METAP1: variants seen among roughly 807,000 people sequenced by gnomAD.
The protein encoded by METAP1 is methionine aminopeptidase 1.
In METAP1, 28 loss-of-function variants were observed where a neutral mutation model predicts 53.8. That is an observed-to-expected ratio of 0.52 (90% CI 0.39 to 0.71). METAP1 has a LOEUF of 0.71. Ranked by LOEUF, METAP1 falls within the 30% of genes least tolerant of loss-of-function variation. METAP1 has a pLI of 0.00. For synonymous variants in METAP1, 181 were observed against 165.7 expected (o/e 1.09, Z -0.71); for missense variants, 389 against 479.8 (o/e 0.81, Z 1.77).
intron 9 of METAP1, among the ~76,000 whole-genome samples, chr4:99,051,265 G>A (rs2110408352): frequency 6.6e-6 from 1 of 152,286 alleles, no homozygotes; most frequent in East Asian, 1.9e-4. Context: ...TTGGTCAGTG[G>A]TTATAGTGTC....
intron 4 of METAP1, 190 bp from the exon 5 acceptor site, chr4:99,039,184 G>C: frequency 9.2e-6 from 4 of 434,082 alleles, no homozygotes; most frequent in Non-Finnish European, 1.6e-5. Context: ...TCTTCAGTTG[G>C]TTTAGCGAGT....
chr4:99,027,148 G>T (rs1724617813), intron 1 of METAP1, among the ~76,000 whole-genome samples: 1 of 152,172 alleles, frequency 6.6e-6, no homozygotes, highest in Admixed American at 6.5e-5. Flanking sequence ...TGGCTGTGTA[G>T]ACCCAAGGGA....
chr4:99,022,668 G>A, intron 1 of METAP1: 3 of 1,225,092 alleles, frequency 2.4e-6, no homozygotes. Context: ...TGCTCGCTGT[G>A]GTGGGACCAG....
intron 10 of METAP1, among the ~76,000 whole-genome samples, chr4:99,058,285 G>T (rs190943765): frequency 1.3e-5 from 2 of 152,256 alleles, no homozygotes; most frequent in Non-Finnish European, 2.9e-5. Flanking sequence ...TGAAGAGGGT[G>T]GGTAGCTTGC....
At chr4:99,045,042 T>A (rs1726121028) in intron 7 of METAP1, 137 bp from the exon 8 acceptor site, 1 of 802,234 alleles carries the variant, frequency 1.2e-6, no homozygotes, top group Non-Finnish European at 1.9e-6. Context: ...GCAATAACTA[T>A]CTATCCATTG....
At chr4:99,012,436 G>A (rs1238500548) in intron 1 of METAP1, among the ~76,000 whole-genome samples, 5 of 151,402 alleles carry the variant, frequency 3.3e-5, no homozygotes, top group African/African-American at 7.3e-5. Context: ...CACCACGCCC[G>A]GCTAATTTTT....
intron 1 of METAP1, among the ~76,000 whole-genome samples, chr4:99,014,474 A>G (rs1028817351): frequency 6.6e-6 from 1 of 152,226 alleles, no homozygotes; most frequent in African/African-American, 2.4e-5. Flanking sequence ...TGTTGATTAT[A>G]GTAAATATAG....
chr4:99,026,240 A>G, intron 1 of METAP1: 8 of 985,326 alleles, frequency 8.1e-6, no homozygotes, highest in Non-Finnish European at 9.6e-6. Flanking sequence ...GTGCTAAAGA[A>G]AAAAGCATGT....
At chr4:99,052,425 C>T (rs1726779068) in intron 9 of METAP1, among the ~76,000 whole-genome samples, 1 of 152,120 alleles carries the variant, frequency 6.6e-6, no homozygotes, top group South Asian at 2.1e-4. Flanking sequence ...ACAAGCATGG[C>T]AGCATCAGCT....
At chr4:99,051,826 T>C (rs2110410304) in intron 9 of METAP1, among the ~76,000 whole-genome samples, 1 of 152,346 alleles carries the variant, frequency 6.6e-6, no homozygotes, top group South Asian at 2.1e-4. Context: ...ATCTCTGCTT[T>C]AGTTTGTAAC....
chr4:99,000,343 G>T (rs1182905878), intron 1 of METAP1, among the ~76,000 whole-genome samples: 1 of 152,184 alleles, frequency 6.6e-6, no homozygotes, highest in Non-Finnish European at 1.5e-5. Flanking sequence ...AGTGTAAGTG[G>T]AAGGAGACCT....
At chr4:99,047,592 A>G (rs1726362505) in intron 8 of METAP1, among the ~76,000 whole-genome samples, 1 of 152,206 alleles carries the variant, frequency 6.6e-6, no homozygotes, top group South Asian at 2.1e-4. Context: ...GCAAGTAAAA[A>G]TGTTAATTAA....
chr4:99,019,359 C>G (rs1723956243), intron 1 of METAP1, among the ~76,000 whole-genome samples: 1 of 152,210 alleles, frequency 6.6e-6, no homozygotes, highest in African/African-American at 2.4e-5. Context: ...TATTCTTCCT[C>G]TCTGAAGGTT....
intron 9 of METAP1, among the ~76,000 whole-genome samples, chr4:99,050,703 C>T (rs1463151155): frequency 6.6e-6 from 1 of 152,084 alleles, no homozygotes; most frequent in Non-Finnish European, 1.5e-5. Flanking sequence ...GGAGTTTGAA[C>T]CCTGTTGTGA....
intron 1 of METAP1, chr4:99,022,450 T>C: frequency 1.6e-6 from 1 of 631,058 alleles, no homozygotes; most frequent in Non-Finnish European, 2.8e-6. Flanking sequence ...CCCTACTGGC[T>C]GTGCTGCTTT....
At chr4:99,001,586 T>G (rs2110273644) in intron 1 of METAP1, among the ~76,000 whole-genome samples, 1 of 152,364 alleles carries the variant, frequency 6.6e-6, no homozygotes, top group African/African-American at 2.4e-5. Context: ...TAGTGTCATG[T>G]CATGGCTACA....
At chr4:99,026,458 GCTT>G (rs1307673355) in intron 1 of METAP1, 2 of 985,448 alleles carry the variant, frequency 2.0e-6, no homozygotes, top group African/African-American at 3.5e-5. Context: ...AATGGGTAAA[GCTT>G]CTGAGGACGT....
intron 1 of METAP1, among the ~76,000 whole-genome samples, chr4:99,014,128 T>TA (rs1271470781): frequency 7.9e-5 from 12 of 152,214 alleles, no homozygotes; most frequent in Non-Finnish European, 1.8e-4. Flanking sequence ...GAAGTATACC[T>TA]AACACAGTTA....
At chr4:99,035,370 T>C (rs1725353790) in intron 3 of METAP1, 30 bp from the exon 4 acceptor site, 1 of 1,495,560 alleles carries the variant, frequency 6.7e-7, no homozygotes, top group Non-Finnish European at 9.1e-7. Context: ...TTTTCGTTGG[T>C]AAATCAGTTT....
Sources: allele counts gnomAD v4.1 joint callset (sites outside exome capture counted in the v4.1 genomes callset), GRCh38; gene constraint gnomAD v4.1.1; transcripts MANE v1.5; gene names NCBI Gene and HGNC (gene_info 2026-07-23, HGNC 2026-07-21).